Variants in PPWD1 observed in about 807,000 individuals in gnomAD.
PPWD1 encodes peptidylprolyl isomerase domain and WD repeat-containing protein 1.
PPWD1 carries 43 observed loss-of-function variants against 68.8 expected under a neutral mutation model. The ratio of observed to expected loss-of-function variants is 0.62; its 90% CI spans 0.49 to 0.81. PPWD1 has a LOEUF of 0.81. Ranked by LOEUF, PPWD1 falls within the 30% of genes least tolerant of loss-of-function variation. PPWD1 has a pLI of 0.00. For missense variants in PPWD1, 672 were observed against 804.8 expected, an observed-to-expected ratio of 0.83 and a Z score of 2.00; for synonymous variants, 232 against 258.7, an observed-to-expected ratio of 0.90 and a Z score of 0.99.
chr5:65,568,922 T>C (rs1207910504), intron 2 of PPWD1: 1 of 455,688 alleles, frequency 2.2e-6, no homozygotes, highest in Non-Finnish European at 4.4e-6. Flanking sequence ...CCCAAGACAA[T>C]GGAAGGTAAT....
In PPWD1 at chr5:65,586,041, G is replaced by A; in HGVS notation, c.1657G>A (p.Gly553Arg). The A allele has an allele frequency of 1.2e-6, 2 of 1,613,596 alleles. No individual in the cohort carries two copies. The highest frequency in any genetic ancestry group is 2.2e-5 in the South Asian group (2 of 91,066). The change falls in exon 10 of 11, where the codon GGA becomes AGA. Residue 553 changes from glycine (G) to arginine (R), a missense_variant. Coordinates refer to ENST00000261308, the MANE Select transcript of PPWD1 (RefSeq NM_015342.4). ...TGGAGATCCAACAGGTACTGGTATGGGAGGAGAAAGCATATGGGGAGGAGA... is the reference window on the plus strand; with the variant it reads ...TGGAGATCCAACAGGTACTGGTATGAGAGGAGAAAGCATATGGGGAGGAGA... ...QTGDPTGTGM[G>R]GESIWGGEFE...
chr5:65,573,145 A>G (rs759977806), intron 5 of PPWD1, among the ~76,000 whole-genome samples: 4 of 150,732 alleles, frequency 2.7e-5, no homozygotes, highest in Non-Finnish European at 4.4e-5. Context: ...GGACCTTTTT[A>G]TAAGTTGTTT....
At chr5:65,567,352 C>A in intron 1 of PPWD1, 161 bp from the exon 2 acceptor site, 1 of 772,530 alleles carries the variant, frequency 1.3e-6, no homozygotes. Context: ...GACGTTAAAA[C>A]TGAGATAACA....
rs149176446 is a variant in PPWD1, at chr5:65,563,492, C to T, written c.182C>T (p.Ala61Val). 1.1e-5 allele frequency: 17 copies of T among 1,612,008 alleles called. No homozygotes were observed. Among genetic ancestry groups the T allele is most frequent in the African/African-American group, 4.0e-5 (3 of 74,714 alleles). Reference sequence around the variant, plus strand: ...CCTTTACCTGTGGAGGCAACACTGGCCAAGAAGAGGAAAGGTAGCTGCAGA... The same window carrying T: ...CCTTTACCTGTGGAGGCAACACTGGTCAAGAAGAGGAAAGGTAGCTGCAGA... ...VGPLPVEATL[A>V]KKRKVLEFER... Residue 61 changes from alanine (A) to valine (V), a missense_variant, in exon 1 of 11, where the codon GCC (alanine) becomes GTC (valine). By Grantham distance (64) the Ala-to-Val change is moderately conservative (BLOSUM62 0). Coordinates refer to ENST00000261308, the MANE Select transcript of PPWD1 (RefSeq NM_015342.4).
rs1752933914 is a variant in PPWD1 at position 65,569,687 on chromosome 5, A to G, written c.355A>G (p.Ile119Val). ...HDGHVKFWKK[I>V]EEGIEFVKHF... ...TGGACATGTCAAGTTCTGGAAAAAAATAGAAGAGGGAATTGAATTTGTTAA... is the reference window on the plus strand; with the variant it reads ...TGGACATGTCAAGTTCTGGAAAAAAGTAGAAGAGGGAATTGAATTTGTTAA... The change falls in exon 3 of 11, where the codon ATA (isoleucine) becomes GTA (valine). Residue 119 changes from isoleucine to valine, a missense_variant. Physicochemically the swap from Ile to Val is conservative, Grantham distance 29. This residue lies in a region of PPWD1 where 188 missense variants were observed against 158.6 expected (regional missense o/e 1.19). Coordinates refer to ENST00000261308, the MANE Select transcript of PPWD1 (RefSeq NM_015342.4). 1 of 1,609,858 alleles carries G rather than the reference A, an allele frequency of 6.2e-7. No homozygotes were observed. Among genetic ancestry groups the G allele is most frequent in the South Asian group, 1.1e-5 (1 of 90,444 alleles).
rs1006618197 is a variant in PPWD1 at position 65,572,340 on chromosome 5, TA to T, written c.969+55del. 5.5e-6 allele frequency: 8 copies of T among 1,460,216 alleles called. No homozygotes were observed. The African/African-American group carries it at 1.0e-4, about 18-fold the overall frequency. The allele number at this position is 1,460,216 out of a possible 1,614,324, so 90.5% of individuals were successfully genotyped here. Reference sequence around the variant, plus strand: ...TTACTTTTCTAAAAATGCTTTATTTTATGCCTTTTCTTGAAAGATCTTTTTT... The same window carrying T: ...TTACTTTTCTAAAAATGCTTTATTTTTGCCTTTTCTTGAAAGATCTTTTTT... On this transcript the variant is annotated intron_variant, in intron 5 of 10. Coordinates refer to ENST00000261308, the MANE Select transcript of PPWD1 (RefSeq NM_015342.4).
Position 65,587,321 on chromosome 5 carries a change from C to T in PPWD1, c.1866C>T (p.Ile622=). The T allele has an allele frequency of 6.2e-7, 1 of 1,612,740 alleles. No individual in the cohort carries two copies. The highest frequency in any genetic ancestry group is 1.1e-5 in the South Asian group (1 of 91,014). Residue 622 remains isoleucine (I), a synonymous_variant, in exon 11 of 11, where the codon ATC becomes ATT. Coordinates refer to ENST00000261308, the MANE Select transcript of PPWD1 (RefSeq NM_015342.4). ...VTKGMEVVQR[I]SNVKVNPKTD... is the part of the protein sequence containing the mutation. ...AAGGAATGGAAGTTGTACAGAGGAT[C>T]TCCAACGTCAAAGTCAATCCCAAAA...
intron 8 of PPWD1, among the ~76,000 whole-genome samples, chr5:65,584,251 C>T (rs1379728983): frequency 6.6e-6 from 1 of 152,132 alleles, no homozygotes; most frequent in Non-Finnish European, 1.5e-5. Context: ...TACTCTTCGG[C>T]CTTGTTTGCT....
intron 1 of PPWD1, 39 bp downstream of exon 1, chr5:65,563,545 G>A (rs764092044): frequency 7.6e-6 from 12 of 1,572,180 alleles, no homozygotes; most frequent in Non-Finnish European, 1.0e-5. Flanking sequence ...TTGGAGTGCT[G>A]CGTCCGCTGA....
intron 6 of PPWD1, 95 bp from the exon 7 acceptor site, chr5:65,579,329 A>G (rs1051671355): frequency 1.5e-5 from 20 of 1,374,182 alleles, no homozygotes; most frequent in African/African-American, 3.0e-5. Context: ...TTGTACATAG[A>G]TAAGATAGTT....
intron 1 of PPWD1, among the ~76,000 whole-genome samples, chr5:65,567,100 CTT>C (rs1581147490): frequency 6.6e-6 from 1 of 152,246 alleles, no homozygotes; most frequent in East Asian, 1.9e-4. Context: ...CCACTGGACT[CTT>C]TTAAGTTAGC....
intron 7 of PPWD1, 48 bp from the exon 8 acceptor site, chr5:65,582,989 CA>C: frequency 7.0e-7 from 1 of 1,432,594 alleles, no homozygotes; most frequent in Non-Finnish European, 9.2e-7. Flanking sequence ...AAATTTTTAC[CA>C]GATGAAAACT....
intron 8 of PPWD1, among the ~76,000 whole-genome samples, chr5:65,583,959 A>C (rs1235324768): frequency 1.3e-5 from 2 of 152,140 alleles, no homozygotes; most frequent in East Asian, 1.9e-4. Flanking sequence ...TTCTACAAAA[A>C]CAAATTACAA....
At chr5:65,568,904 T>G in intron 2 of PPWD1, 1 of 455,752 alleles carries the variant, frequency 2.2e-6, no homozygotes, top group South Asian at 1.6e-5. Context: ...TTTGTTTTGT[T>G]TTTTTAACCC....
intron 1 of PPWD1, among the ~76,000 whole-genome samples, chr5:65,567,108 T>G (rs1752810823): frequency 6.6e-6 from 1 of 152,192 alleles, no homozygotes; most frequent in African/African-American, 2.4e-5. Context: ...CTCTTTTAAG[T>G]TAGCACTAAA....
Position 65,583,224 on chromosome 5 carries a change from G to T in PPWD1, c.1532+5G>T. The T allele has an allele frequency of 6.5e-7, 1 of 1,537,378 alleles. No individual in the cohort carries two copies. Among genetic ancestry groups the T allele is most frequent in the East Asian group, 2.3e-5 (1 of 43,216 alleles). ...CACCAAACTTTTTCCTGTTGAGTAT[G>T]TATAACAACTGTTTTTATTGGCTTA... On this transcript the variant is annotated splice_donor_5th_base_variant and intron_variant, in intron 8 of 10. Coordinates refer to ENST00000261308, the MANE Select transcript of PPWD1 (RefSeq NM_015342.4).
In PPWD1 at chr5:65,563,436, C is replaced by T; in HGVS notation, c.126C>T (p.Asn42=). 3.7e-6 allele frequency: 6 copies of T among 1,614,054 alleles called. No individual in the cohort carries two copies. In the South Asian group the frequency reaches 4.4e-5, roughly 12 times the overall value. The change falls in exon 1 of 11, where the codon AAC becomes AAT. Residue 42 remains asparagine, a synonymous_variant. Transcript: ENST00000261308. Reference sequence around the variant, plus strand: ...TAGCAGTGGCGGTGTCCCAGGAGAACGATGAGGAGAACGAAGAGCGCTGGG... The same window carrying T: ...TAGCAGTGGCGGTGTCCCAGGAGAATGATGAGGAGAACGAAGAGCGCTGGG... The part of the protein sequence containing the change: ...LAVAVAVSQE[N]DEENEERWVG...
At chr5:65,581,335 C>T (rs903012522) in intron 7 of PPWD1, among the ~76,000 whole-genome samples, 1 of 152,098 alleles carries the variant, frequency 6.6e-6, no homozygotes, top group African/African-American at 2.4e-5. Flanking sequence ...CCTGTAAAAA[C>T]AGCACTTTGC....
intron 7 of PPWD1, among the ~76,000 whole-genome samples, chr5:65,580,622 G>T (rs567820327): frequency 1.3e-5 from 2 of 152,148 alleles, no homozygotes; most frequent in South Asian, 2.1e-4. Flanking sequence ...CCAGCAATTC[G>T]CCTGCCTCAG....
Sources: gnomAD v4.1 joint callset for allele counts (sites outside exome capture counted in the v4.1 genomes callset) on GRCh38, gnomAD v4.1.1 for gene constraint, gnomAD v4.1.1 regional missense constraint, MANE v1.5 for transcripts, NCBI Gene and HGNC (gene_info 2026-07-23, HGNC 2026-07-21) for gene names.